TEX11: variants seen among roughly 807,000 people sequenced by gnomAD.
The protein encoded by TEX11 is testis expressed 11.
In TEX11, 7 loss-of-function variants were observed where a neutral mutation model predicts 84.4. That is an observed-to-expected ratio of 0.08 (90% CI 0.05 to 0.16). TEX11 has a LOEUF of 0.16. TEX11 is among the 10% of genes least tolerant of loss of function. The pLI is 1.00. For synonymous variants in TEX11, 264 were observed against 222.8 expected (o/e 1.18, Z -1.64); for missense variants, 551 against 660.5 (o/e 0.83, Z 1.82).
At chrX:70,884,798 C>G (rs16991321) in intron 2 of TEX11, among the ~76,000 whole-genome samples, 3,081 of 109,475 alleles carry the variant, frequency 0.028, 80 homozygotes, top group Admixed American at 0.13. Flanking sequence ...GGAGAGTTAA[C>G]TAGGGATGGA....
At chrX:70,877,837 G>T (rs1439395649) in intron 3 of TEX11, among the ~76,000 whole-genome samples, 1 of 111,706 alleles carries the variant, frequency 9.0e-6, no homozygotes, top group Non-Finnish European at 1.9e-5. Flanking sequence ...CAAATTTATA[G>T]AGAGAGAAAG....
intron 28 of TEX11, among the ~76,000 whole-genome samples, chrX:70,539,040 T>TATA (rs1447496117): frequency 1.0e-4 from 1 of 9,584 alleles, no homozygotes; most frequent in African/African-American, 2.5e-4. Context: ...ATATATATAT[T>TATA]TTTTTTTTTT....
chrX:70,725,127 C>CTT (rs2090589622), intron 12 of TEX11, 135 bp downstream of exon 12: 3 of 346,214 alleles, frequency 8.7e-6, no homozygotes, highest in Non-Finnish European at 1.5e-5. Flanking sequence ...AATATTTTCC[C>CTT]TTTCCTGGGT....
chrX:70,799,340 G>A (rs1416750947), intron 9 of TEX11, among the ~76,000 whole-genome samples: 1 of 111,618 alleles, frequency 9.0e-6, no homozygotes, highest in Admixed American at 9.5e-5. Flanking sequence ...TCTGTAAGGT[G>A]GATGCCTAAT....
At chrX:70,672,805 A>C (rs2090037277) in intron 15 of TEX11, 1 of 111,388 alleles carries the variant, frequency 9.0e-6, no homozygotes, top group African/African-American at 3.3e-5. Context: ...TCTATTCAAC[A>C]GGATCTCTTT....
chrX:70,538,190 C>T (rs1436711932), intron 28 of TEX11, among the ~76,000 whole-genome samples: 1 of 111,090 alleles, frequency 9.0e-6, no homozygotes, highest in African/African-American at 3.3e-5. Context: ...AAAACTCTGT[C>T]TTGTTTTGGG....
intron 8 of TEX11, among the ~76,000 whole-genome samples, chrX:70,833,106 C>A: frequency 9.2e-6 from 1 of 108,676 alleles, no homozygotes; most frequent in South Asian, 4.0e-4. Context: ...CCTGTCTGTA[C>A]TAAAAATACA....
intron 9 of TEX11, among the ~76,000 whole-genome samples, chrX:70,775,675 C>T (rs931781346): frequency 9.3e-6 from 1 of 108,013 alleles, no homozygotes; most frequent in Admixed American, 1.0e-4. Flanking sequence ...TGATGCACGC[C>T]TGTGATCCCA....
intron 2 of TEX11, among the ~76,000 whole-genome samples, chrX:70,884,937 C>T (rs5981021): frequency 0.2 from 22,522 of 110,147 alleles, 1,747 homozygotes; most frequent in South Asian, 0.25. Context: ...AGTGCCCCAA[C>T]TTCTCCAGGG....
chrX:70,662,910 T>C (rs1377273557), intron 16 of TEX11, among the ~76,000 whole-genome samples: 1 of 111,764 alleles, frequency 8.9e-6, no homozygotes, highest in Admixed American at 9.5e-5. Context: ...AAGTCTTCTA[T>C]ATCTAGACCA....
rs563656714 is a variant in TEX11 at position 70,624,623 on chromosome X, G to T, written c.1694+216C>A. Among the ~76,000 whole-genome samples the T allele has an allele frequency of 3.6e-5, 4 of 111,770 alleles. No individual in the cohort carries two copies. The South Asian group carries it at 1.1e-3, about 31-fold the overall frequency. ...CCTCAAGTGTAATTGACCAACAGGA[G>T]AACCACTCTAGAATCCTGCTGGTTT... On this transcript the variant is annotated intron_variant, in intron 19 of 29. Coordinates refer to ENST00000374333, the MANE Select transcript of TEX11 (RefSeq NM_031276.3).
At chrX:70,863,078 C>A (rs2091579480) in intron 4 of TEX11, among the ~76,000 whole-genome samples, 1 of 111,244 alleles carries the variant, frequency 9.0e-6, no homozygotes, top group African/African-American at 3.3e-5. Flanking sequence ...GATACAACTC[C>A]CATCACCCTG....
intron 2 of TEX11, among the ~76,000 whole-genome samples, chrX:70,906,379 A>C (rs2091834143): frequency 9.2e-6 from 1 of 108,408 alleles, no homozygotes; most frequent in African/African-American, 3.3e-5. Flanking sequence ...CAAAGTCTCA[A>C]ATATTATCAA....
At chrX:70,762,557 G>A (rs1274574766) in intron 9 of TEX11, among the ~76,000 whole-genome samples, 2 of 110,509 alleles carry the variant, frequency 1.8e-5, no homozygotes, top group Non-Finnish European at 3.8e-5. Context: ...ATTGTGAACT[G>A]CGCATGCAAG....
At chrX:70,511,654 G>C in the TEX11 span, among the ~76,000 whole-genome samples, 1 of 102,901 alleles carries the variant, frequency 9.7e-6, no homozygotes, top group Non-Finnish European at 2.0e-5. Context: ...TCGGGAGGCT[G>C]AGGCAGGAGA....
intron 9 of TEX11, among the ~76,000 whole-genome samples, chrX:70,750,928 AAAAAAAT>A (rs2090814332): frequency 5.4e-5 from 2 of 37,118 alleles, no homozygotes; most frequent in Admixed American, 6.7e-4. Flanking sequence ...TAATAAAAAA[AAAAAAAT>A]ATATATATAT....
At position 70,554,652 on chromosome X, in the gene TEX11, T is replaced by G; in HGVS notation, c.2289A>C (p.Ala763=). The part of the protein sequence containing the change: ...HLETKTFETI[A]IIAMEKPAHY... Reference sequence around the variant, plus strand: ...CAAAAGCATAAATATAGCTCTTACTTGCAATTGTTTCAAAAGTTTTAGTTT... The same window carrying G: ...CAAAAGCATAAATATAGCTCTTACTGGCAATTGTTTCAAAAGTTTTAGTTT... The change falls in exon 26 of 30, where the codon GCA becomes GCC. Residue 763 remains alanine (A), a splice_region_variant and synonymous_variant. Coordinates refer to ENST00000374333, the MANE Select transcript of TEX11 (RefSeq NM_031276.3). 1 of 1,194,996 alleles carries G rather than the reference T, an allele frequency of 8.4e-7. No individual in the cohort carries two copies. Among genetic ancestry groups the G allele is most frequent in the Non-Finnish European group, 1.1e-6 (1 of 888,585 alleles).
At chrX:70,626,043 C>T (rs899807714) in intron 18 of TEX11, among the ~76,000 whole-genome samples, 6 of 111,235 alleles carry the variant, frequency 5.4e-5, no homozygotes, top group East Asian at 2.8e-4. Flanking sequence ...CCACTGCGCG[C>T]GGCATATTTT....
intron 9 of TEX11, among the ~76,000 whole-genome samples, chrX:70,774,603 TACCC>T (rs2147779987): frequency 9.0e-6 from 1 of 111,075 alleles, no homozygotes; most frequent in African/African-American, 3.3e-5. Flanking sequence ...TCAAGAAAAA[TACCC>T]CATTTAAAAC....
Sources: gnomAD v4.1 joint callset for allele counts (sites outside exome capture counted in the v4.1 genomes callset) on GRCh38, gnomAD v4.1.1 for gene constraint, MANE v1.5 for transcripts, NCBI Gene and HGNC (gene_info 2026-07-23, HGNC 2026-07-21) for gene names.